Variants in CEP85L observed in about 807,000 individuals in gnomAD.
CEP85L encodes the protein centrosomal protein of 85 kDa-like.
CEP85L carries 60 observed loss-of-function variants against 100.3 expected under a neutral mutation model. That is an observed-to-expected ratio of 0.60 (90% confidence interval 0.49 to 0.74). CEP85L has a LOEUF of 0.74. CEP85L is among the 30% of genes least tolerant of loss of function. CEP85L has a pLI of 0.00. For synonymous variants in CEP85L, 319 were observed against 322.7 expected (o/e 0.99, Z 0.12); for missense variants, 973 against 936.2 (o/e 1.04, Z -0.51).
Position 118,479,652 on chromosome 6 carries a change from G to A in CEP85L, c.1914+219C>T, listed in dbSNP as rs895772195. Among the ~76,000 whole-genome samples, 6 of 152,212 alleles carry A rather than the reference G, an allele frequency of 3.9e-5. No homozygotes were observed. In the East Asian group the frequency reaches 7.7e-4, roughly 20 times the overall value. On this transcript the variant is annotated intron_variant, in intron 10 of 12. Transcript: ENST00000368491. ...TCACCCCACTAGAGTGGCCAGGGATGTGACTTGTTCACTGATGAATCTTTA... is the reference window on the plus strand; with the variant it reads ...TCACCCCACTAGAGTGGCCAGGGATATGACTTGTTCACTGATGAATCTTTA...
At chr6:118,645,649 C>T (rs1775130160) in intron 1 of CEP85L, among the ~76,000 whole-genome samples, 1 of 152,080 alleles carries the variant, frequency 6.6e-6, no homozygotes, top group Non-Finnish European at 1.5e-5. Flanking sequence ...TCCAGCCTGA[C>T]TGACAGAGTG....
At chr6:118,650,889 A>C (rs1019262909) in intron 1 of CEP85L, among the ~76,000 whole-genome samples, 1 of 152,210 alleles carries the variant, frequency 6.6e-6, no homozygotes, top group Non-Finnish European at 1.5e-5. Flanking sequence ...GAGTAAAAGG[A>C]AAAAACCGGG....
At chr6:118,588,871 T>G (rs1325038164) in intron 2 of CEP85L, among the ~76,000 whole-genome samples, 2 of 152,130 alleles carry the variant, frequency 1.3e-5, no homozygotes, top group Non-Finnish European at 2.9e-5. Context: ...TGTTCCCCAT[T>G]CAATGCTCCT....
At chr6:118,701,789 AC>A (rs377188509) in intron 1 of CEP85L, among the ~76,000 whole-genome samples, 36 of 151,730 alleles carry the variant, frequency 2.4e-4, no homozygotes, top group East Asian at 7.7e-4. Context: ...TGGAAAAAAA[AC>A]AAAGAAGATT....
intron 2 of CEP85L, among the ~76,000 whole-genome samples, chr6:118,616,646 T>TA (rs778624803): frequency 0.036 from 4,640 of 127,780 alleles, 162 homozygotes; most frequent in African/African-American, 0.1. Flanking sequence ...ACCCTGTCTT[T>TA]AAAAAAAAAA....
At chr6:118,499,492 C>T (rs1024471194) in intron 5 of CEP85L, among the ~76,000 whole-genome samples, 2 of 151,952 alleles carry the variant, frequency 1.3e-5, no homozygotes, top group African/African-American at 4.8e-5. Flanking sequence ...GGTGAAACCC[C>T]GTCTCTACTA....
At chr6:118,681,822 C>A (rs62422253) in intron 1 of CEP85L, among the ~76,000 whole-genome samples, 33,120 of 150,070 alleles carry the variant, frequency 0.22, 4,740 homozygotes, top group Non-Finnish European at 0.32. Context: ...CAATCTGCAA[C>A]CTCCACCTCC....
intron 1 of CEP85L, among the ~76,000 whole-genome samples, chr6:118,697,331 C>A (rs1032770545): frequency 3.9e-5 from 6 of 152,200 alleles, no homozygotes; most frequent in African/African-American, 1.4e-4. Context: ...TTTTGAGACC[C>A]ATCCAGACAC....
chr6:118,516,887 G>A (rs1464054246), intron 4 of CEP85L, among the ~76,000 whole-genome samples: 3 of 152,052 alleles, frequency 2.0e-5, no homozygotes, highest in Non-Finnish European at 2.9e-5. Context: ...TAGGTCTTAC[G>A]CTTAAGTTTT....
At chr6:118,508,719 T>G (rs1449681774) in intron 5 of CEP85L, among the ~76,000 whole-genome samples, 2 of 152,226 alleles carry the variant, frequency 1.3e-5, no homozygotes, top group Admixed American at 6.5e-5. Flanking sequence ...ACTGACTTAT[T>G]TACTCTAGAA....
chr6:118,502,653 C>G, intron 5 of CEP85L: 2 of 467,234 alleles, frequency 4.3e-6, no homozygotes, highest in Non-Finnish European at 4.0e-6. Flanking sequence ...ACAAATTGCT[C>G]AGGGAGCTCC....
chr6:118,470,399 T>C (rs1029582974), intron 11 of CEP85L, 138 bp downstream of exon 11: 2 of 459,322 alleles, frequency 4.4e-6, no homozygotes, highest in Admixed American at 4.1e-5. Flanking sequence ...ATAATAATTT[T>C]GGTAAGAAAC....
chr6:118,576,453 C>A (rs1780239218), intron 2 of CEP85L, among the ~76,000 whole-genome samples: 1 of 152,240 alleles, frequency 6.6e-6, no homozygotes, highest in Non-Finnish European at 1.5e-5. Context: ...GGACCAACAG[C>A]CTCAAAACTA....
At chr6:118,648,071 T>C (rs1341392975) in intron 1 of CEP85L, among the ~76,000 whole-genome samples, 1 of 151,880 alleles carries the variant, frequency 6.6e-6, no homozygotes, top group Non-Finnish European at 1.5e-5. Flanking sequence ...ATGGCCAACA[T>C]GGTGAGACCT....
chr6:118,499,554 C>T (rs1433987830), intron 5 of CEP85L, among the ~76,000 whole-genome samples: 2 of 151,954 alleles, frequency 1.3e-5, no homozygotes, highest in Non-Finnish European at 2.9e-5. Flanking sequence ...GTCCTAGCTA[C>T]TCGGGAGGCT....
At chr6:118,613,212 G>A (rs184288229) in intron 2 of CEP85L, among the ~76,000 whole-genome samples, 464 of 150,514 alleles carry the variant, frequency 3.1e-3, no homozygotes, top group Non-Finnish European at 4.7e-3. Flanking sequence ...ACTCCGTCTC[G>A]AAAAAAAGAA....
At chr6:118,473,658 A>G (rs918007405) in intron 10 of CEP85L, among the ~76,000 whole-genome samples, 3 of 152,192 alleles carry the variant, frequency 2.0e-5, no homozygotes, top group African/African-American at 7.2e-5. Flanking sequence ...TAATGAGAGT[A>G]TACTGTGCAC....
chr6:118,624,154 G>A (rs13191610), intron 2 of CEP85L, among the ~76,000 whole-genome samples: 72,641 of 151,928 alleles, frequency 0.48, 17,757 homozygotes, highest in Middle Eastern at 0.58. Context: ...AAAGACTCCT[G>A]CAGTTAATCC....
chr6:118,569,932 C>G (rs562626034), intron 2 of CEP85L, among the ~76,000 whole-genome samples: 2 of 152,182 alleles, frequency 1.3e-5, no homozygotes, highest in South Asian at 4.2e-4. Context: ...ATTCAGAAAA[C>G]TATTAAAGGC....
Sources: gnomAD v4.1 joint callset for allele counts (sites outside exome capture counted in the v4.1 genomes callset) on GRCh38, gnomAD v4.1.1 for gene constraint, MANE v1.5 for transcripts, NCBI Gene and HGNC (gene_info 2026-07-23, HGNC 2026-07-21) for gene names.